AP1S2: variants seen among roughly 807,000 people sequenced by gnomAD.
The protein encoded by AP1S2 is AP-1 complex subunit sigma-2.
AP1S2 carries 1 observed loss-of-function variant against 14.3 expected under a neutral mutation model. The ratio of observed to expected loss-of-function variants is 0.07; its 90% CI spans 0.02 to 0.33. The LOEUF is 0.33. AP1S2 is among the 10% of genes least tolerant of loss of function. The probability of loss-of-function intolerance (pLI) is 0.99; values close to 1 mark genes in which losing one functional copy is unlikely to be tolerated. For synonymous variants in AP1S2, 30 were observed against 40.5 expected (o/e 0.74, Z 0.99); for missense variants, 30 against 117.7 (o/e 0.25, Z 3.45).
intron 4 of AP1S2, among the ~76,000 whole-genome samples, chrX:15,842,005 C>T (rs1016950318): frequency 9.0e-6 from 1 of 111,554 alleles, no homozygotes; most frequent in Non-Finnish European, 1.9e-5. Flanking sequence ...ATTCCACTTT[C>T]TCATTAGGCT....
rs1272276218 is a variant in AP1S2, at chrX:15,854,690, C to CGGCCGCG, written c.-10_-4dup. The CGGCCGCG allele has an allele frequency of 2.7e-6, 2 of 750,410 alleles. No individual in the cohort carries two copies. Among genetic ancestry groups the CGGCCGCG allele is most frequent in the Admixed American group, 8.6e-5 (1 of 11,639 alleles). The allele number at this position is 750,410 out of a possible 1,213,427, so 61.8% of individuals were successfully genotyped here. On this transcript the variant is annotated 5_prime_UTR_variant, in exon 1 of 6. Coordinates refer to ENST00000672987, the MANE Select transcript of AP1S2 (RefSeq NM_001272071.2). ...CCCTTTCGCCCCCAGGGACTTACGG[C>CGGCCGCG]GGCCGCGGGCCGCGGGCGCGGCGGA...
At chrX:15,834,827 A>G (rs747667023) in intron 4 of AP1S2, among the ~76,000 whole-genome samples, 6 of 108,728 alleles carry the variant, frequency 5.5e-5, no homozygotes, top group Non-Finnish European at 7.6e-5. Flanking sequence ...TGTCCTTCTT[A>G]GAAAACATGC....
chrX:15,827,513 T>C lies in AP1S2; in HGVS notation c.436-141A>G, dbSNP rs774344849. On this transcript the variant is annotated intron_variant, in intron 5 of 5. Coordinates refer to ENST00000672987, the MANE Select transcript of AP1S2 (RefSeq NM_001272071.2). The stretch of plus-strand genomic sequence containing the variant: ...ACAGTAGCATTCTAGTTGACAGCCA[T>C]TGGTTATTTAGGGTTTTGTGCCCTC... 8.3e-6 allele frequency: 5 copies of C among 602,752 alleles called. No homozygotes were observed. In the African/African-American group the frequency reaches 8.8e-5, roughly 11 times the overall value. 49.7% of individuals were successfully genotyped at this position (602,752 alleles called of 1,213,427 possible).
At chrX:15,839,241 A>T (rs1163336690) in intron 4 of AP1S2, among the ~76,000 whole-genome samples, 3 of 112,061 alleles carry the variant, frequency 2.7e-5, no homozygotes, top group African/African-American at 9.7e-5. Flanking sequence ...AGTCTTGTTA[A>T]CTTTAAAAGA....
At chrX:15,852,658 T>C (rs1934213340) in intron 1 of AP1S2, 134 bp from the exon 2 acceptor site, 2 of 683,186 alleles carry the variant, frequency 2.9e-6, no homozygotes, top group Non-Finnish European at 4.3e-6. Context: ...AATATTTCTA[T>C]GCCAATTAAA....
intron 4 of AP1S2, among the ~76,000 whole-genome samples, chrX:15,836,898 A>G (rs1933659551): frequency 9.0e-6 from 1 of 111,005 alleles, no homozygotes; most frequent in African/African-American, 3.3e-5. Flanking sequence ...ACAAATATAC[A>G]AACAAAAAAA....
At position 15,826,517 on chromosome X, in the gene AP1S2, T is replaced by G. The variant is rs1467602445; in HGVS notation, c.*808A>C. On this transcript the variant is annotated 3_prime_UTR_variant, in exon 6 of 6. Coordinates refer to ENST00000672987, the MANE Select transcript of AP1S2 (RefSeq NM_001272071.2). ...TACTGTGAAGAGAGCAACACGTTTT[T>G]TGTAAGATACTGTTATGAAGAATTC... 8.9e-6 allele frequency: 1 copy of G among 111,902 alleles called. No individual in the cohort carries two copies. The highest frequency in any genetic ancestry group is 3.2e-5 in the African/African-American group (1 of 30,788). 9.2% of individuals were successfully genotyped at this position (111,902 alleles called of 1,213,427 possible).
rs1025296342 is a variant in AP1S2, at chrX:15,833,472, T to C, written c.427-5272A>G. 2.1e-5 allele frequency: 19 copies of C among 889,710 alleles called. No homozygotes were observed. In the Admixed American group the frequency reaches 2.8e-4, roughly 13 times the overall value. 73.3% of individuals were successfully genotyped at this position (889,710 alleles called of 1,213,427 possible). A position where few individuals can be genotyped will look rare whatever the true frequency, so the allele number is the denominator to read the frequency against. On this transcript the variant is annotated intron_variant, in intron 4 of 5. Transcript: ENST00000672987. Reference sequence around the variant, plus strand: ...CTATTAAATGTGAGAATACTCTTCATAGGGAGAAACCCCTCTTCACTGGAA... The same window carrying C: ...CTATTAAATGTGAGAATACTCTTCACAGGGAGAAACCCCTCTTCACTGGAA...
At chrX:15,829,204 T>C (rs1933352501) in intron 4 of AP1S2, among the ~76,000 whole-genome samples, 1 of 111,707 alleles carries the variant, frequency 9.0e-6, no homozygotes, top group Non-Finnish European at 1.9e-5. Context: ...TTTAAGAAAG[T>C]CCAGTGGAAA....
intron 4 of AP1S2, among the ~76,000 whole-genome samples, chrX:15,837,894 C>T (rs1191632842): frequency 1.8e-5 from 2 of 111,130 alleles, no homozygotes; most frequent in Admixed American, 9.5e-5. Flanking sequence ...CGTGAGCCAC[C>T]GCGCCTGGCC....
intron 4 of AP1S2, among the ~76,000 whole-genome samples, chrX:15,835,389 A>C (rs1294176930): frequency 1.8e-5 from 2 of 111,644 alleles, no homozygotes; most frequent in Admixed American, 9.5e-5. Context: ...AAGGATGCAA[A>C]GTCCTTACTC....
intron 5 of AP1S2, among the ~76,000 whole-genome samples, 196 bp downstream of exon 5, chrX:15,827,996 C>G (rs1056137532): frequency 1.8e-5 from 2 of 111,147 alleles, no homozygotes; most frequent in African/African-American, 6.5e-5. Flanking sequence ...CAAAGGAGGT[C>G]AAAACAAAGT....
chrX:15,834,268 T>C (rs1933526768), intron 4 of AP1S2, among the ~76,000 whole-genome samples: 1 of 103,462 alleles, frequency 9.7e-6, no homozygotes, highest in Admixed American at 1.1e-4. Flanking sequence ...TTAGATGATG[T>C]CATTTCTCAA....
At chrX:15,854,592 G>T in intron 1 of AP1S2, 96 bp downstream of exon 1, 1 of 338,751 alleles carries the variant, frequency 3.0e-6, no homozygotes, top group Non-Finnish European at 3.9e-6. Context: ...TCGGGGTGGG[G>T]TCGTCGGGGC....
At chrX:15,854,607 G>T in intron 1 of AP1S2, 81 bp downstream of exon 1, 1 of 419,319 alleles carries the variant, frequency 2.4e-6, no homozygotes, top group Non-Finnish European at 3.0e-6. Context: ...CGGGGCGCGC[G>T]CGGGGTGGCG....
chrX:15,836,176 T>G (rs1933631597), intron 4 of AP1S2, among the ~76,000 whole-genome samples: 1 of 112,106 alleles, frequency 8.9e-6, no homozygotes, highest in Non-Finnish European at 1.9e-5. Context: ...ACATTTTTGT[T>G]GGATAAAATT....
rs1933292481 is a variant in AP1S2 at position 15,827,210 on chromosome X, A to G, written c.*115T>C. 2 of 783,703 alleles carry G rather than the reference A, an allele frequency of 2.6e-6. No individual in the cohort carries two copies. The highest frequency in any genetic ancestry group is 4.5e-5 in the Admixed American group (2 of 44,622). The allele number at this position is 783,703 out of a possible 1,213,427, so 64.6% of individuals were successfully genotyped here. ...GTAGGCATGAATGAAGCGGCTTAGC[A>G]AAACAGTAATACTGACAAGACATCA... is the stretch of plus-strand genomic sequence containing the variant. On this transcript the variant is annotated 3_prime_UTR_variant, in exon 6 of 6. Coordinates refer to ENST00000672987, the MANE Select transcript of AP1S2 (RefSeq NM_001272071.2).
At chrX:15,854,557 C>A (rs754587538) in intron 1 of AP1S2, 131 bp downstream of exon 1, 2 of 161,751 alleles carry the variant, frequency 1.2e-5, no homozygotes, top group South Asian at 5.5e-4. Context: ...GCGGGCGCGG[C>A]GACCCAGTGG....
chrX:15,837,441 T>C (rs1236307749), intron 4 of AP1S2, among the ~76,000 whole-genome samples: 1 of 110,800 alleles, frequency 9.0e-6, no homozygotes, highest in Non-Finnish European at 1.9e-5. Flanking sequence ...AAAAACTCAA[T>C]TACCTTAATA....
Sources: allele counts gnomAD v4.1 joint callset (sites outside exome capture counted in the v4.1 genomes callset), GRCh38; gene constraint gnomAD v4.1.1; transcripts MANE v1.5; gene names NCBI Gene and HGNC (gene_info 2026-07-23, HGNC 2026-07-21).